DSCAM: variants seen among roughly 807,000 people sequenced by gnomAD.
DSCAM encodes the protein cell adhesion molecule DSCAM.
DSCAM carries 47 observed loss-of-function variants against 217.7 expected under a neutral mutation model. That is an observed-to-expected ratio of 0.22 (90% CI 0.17 to 0.28). DSCAM has a LOEUF of 0.28. Among genes scored for constraint, DSCAM ranks in the 10% least tolerant of loss-of-function variants. The pLI, the probability that DSCAM is intolerant of heterozygous loss-of-function variation, is 1.00. For missense variants in DSCAM, 2,080 were observed against 2,618.3 expected (o/e 0.79, Z 4.49); for synonymous variants, 1,056 against 1,015.3 (o/e 1.04, Z -0.76).
chr21:40,684,062 TAA>T (rs35767786), intron 3 of DSCAM, among the ~76,000 whole-genome samples: 339 of 144,048 alleles, frequency 2.4e-3, no homozygotes, highest in Non-Finnish European at 2.6e-3. Context: ...CTGTCTCTAC[TAA>T]AAAAAAAAAA....
At chr21:40,153,541 G>A (rs964783271) in intron 16 of DSCAM, among the ~76,000 whole-genome samples, 4 of 152,198 alleles carry the variant, frequency 2.6e-5, no homozygotes, top group African/African-American at 9.7e-5. Flanking sequence ...GGTGATCACA[G>A]GGGTGGGGGA....
chr21:40,679,167 T>C (rs1000019661), intron 3 of DSCAM, among the ~76,000 whole-genome samples: 26 of 151,978 alleles, frequency 1.7e-4, no homozygotes, highest in African/African-American at 6.0e-4. Context: ...TAGAAAAAAA[T>C]ATAGAAAAGC....
intron 1 of DSCAM, among the ~76,000 whole-genome samples, chr21:40,804,950 C>T (rs149504673): frequency 4.1e-4 from 63 of 152,260 alleles, no homozygotes; most frequent in African/African-American, 1.5e-3. Context: ...TCTCCTTCCC[C>T]ACCCCCATAA....
chr21:40,297,427 G>A (rs1015768727), intron 9 of DSCAM, among the ~76,000 whole-genome samples: 75 of 152,088 alleles, frequency 4.9e-4, no homozygotes, highest in African/African-American at 1.7e-3. Context: ...TGTGAGAAGA[G>A]ATGAATTATC....
intron 3 of DSCAM, among the ~76,000 whole-genome samples, chr21:40,523,548 T>TC (rs2076376663): frequency 6.6e-6 from 1 of 152,054 alleles, no homozygotes; most frequent in African/African-American, 2.4e-5. Flanking sequence ...GCGGCCCAAC[T>TC]CCAGGGGAAA....
chr21:40,287,306 T>C (rs2073841035), intron 10 of DSCAM, among the ~76,000 whole-genome samples: 1 of 152,172 alleles, frequency 6.6e-6, no homozygotes, highest in African/African-American at 2.4e-5. Context: ...ACCAGAGAGG[T>C]CTGAAACTGG....
intron 8 of DSCAM, 84 bp downstream of exon 8, chr21:40,338,017 G>T: frequency 6.5e-7 from 1 of 1,528,896 alleles, no homozygotes; most frequent in Non-Finnish European, 8.9e-7. Context: ...AGCAGATCTT[G>T]GATTACCCGA....
chr21:40,186,333 AAAAT>A (rs1440328914), intron 14 of DSCAM, among the ~76,000 whole-genome samples: 2 of 152,162 alleles, frequency 1.3e-5, no homozygotes, highest in African/African-American at 4.8e-5. Flanking sequence ...CAGGAAGTGA[AAAAT>A]AAAGCTGCTT....
intron 26 of DSCAM, among the ~76,000 whole-genome samples, chr21:40,077,970 C>T (rs2089392351): frequency 2.0e-5 from 3 of 152,214 alleles, no homozygotes; most frequent in Non-Finnish European, 2.9e-5. Flanking sequence ...AGTTCCCCTA[C>T]TAAGTTGCAG....
At chr21:40,287,947 C>T (rs2073847763) in intron 10 of DSCAM, among the ~76,000 whole-genome samples, 1 of 152,106 alleles carries the variant, frequency 6.6e-6, no homozygotes, top group Non-Finnish European at 1.5e-5. Flanking sequence ...AGAAAGGACA[C>T]AGGAAAAGGG....
At chr21:40,188,451 T>C (rs543383969) in intron 12 of DSCAM, among the ~76,000 whole-genome samples, 1 of 152,274 alleles carries the variant, frequency 6.6e-6, no homozygotes, top group East Asian at 1.9e-4. Flanking sequence ...ATTCCAGGAA[T>C]GGACCCTTGT....
At chr21:40,734,574 G>T (rs1231857674) in intron 1 of DSCAM, among the ~76,000 whole-genome samples, 2 of 152,314 alleles carry the variant, frequency 1.3e-5, no homozygotes. Flanking sequence ...TCTTCTATCA[G>T]GGTGAGCCTC....
chr21:40,813,120 G>T (rs539793989), intron 1 of DSCAM, among the ~76,000 whole-genome samples: 2 of 152,314 alleles, frequency 1.3e-5, no homozygotes, highest in South Asian at 4.1e-4. Flanking sequence ...AAAAGCTCAT[G>T]CGCATAAAAG....
At chr21:40,174,881 A>G (rs1030710192) in intron 15 of DSCAM, among the ~76,000 whole-genome samples, 22 of 152,172 alleles carry the variant, frequency 1.4e-4, no homozygotes, top group African/African-American at 5.1e-4. Context: ...GCCCTATTCC[A>G]TCAGGATGCG....
At chr21:40,802,097 C>T (rs1036376645) in intron 1 of DSCAM, among the ~76,000 whole-genome samples, 1 of 152,046 alleles carries the variant, frequency 6.6e-6, no homozygotes, top group African/African-American at 2.4e-5. Context: ...ATAGAAGTAG[C>T]TGCATGGGCT....
intron 3 of DSCAM, among the ~76,000 whole-genome samples, chr21:40,524,403 A>G (rs2146095016): frequency 6.6e-6 from 1 of 152,086 alleles, no homozygotes; most frequent in Non-Finnish European, 1.5e-5. Flanking sequence ...TGATAAAGTA[A>G]TTTAAAATAT....
intron 20 of DSCAM, among the ~76,000 whole-genome samples, chr21:40,106,966 C>A (rs2089829664): frequency 6.6e-6 from 1 of 150,546 alleles, no homozygotes; most frequent in African/African-American, 2.4e-5. Context: ...ATGTCTCTAT[C>A]TCCTTCTGTT....
intron 3 of DSCAM, among the ~76,000 whole-genome samples, chr21:40,569,697 T>A (rs952283420): frequency 4.6e-5 from 7 of 152,316 alleles, no homozygotes; most frequent in Non-Finnish European, 1.0e-4. Context: ...GGACCCTGAC[T>A]GACATACCTC....
chr21:40,130,677 A>G (rs1382319748), intron 19 of DSCAM, among the ~76,000 whole-genome samples: 4 of 152,244 alleles, frequency 2.6e-5, no homozygotes, highest in Admixed American at 2.6e-4. Context: ...GACCACAGAC[A>G]TGAGAATGTG....
Sources: gnomAD v4.1 joint callset for allele counts (sites outside exome capture counted in the v4.1 genomes callset) on GRCh38, gnomAD v4.1.1 for gene constraint, MANE v1.5 for transcripts, NCBI Gene and HGNC (gene_info 2026-07-23, HGNC 2026-07-21) for gene names.